FBXL20: variants seen among roughly 807,000 people sequenced by gnomAD.
FBXL20 encodes F-box and leucine rich repeat protein 20, also known as F-box/LRR-repeat protein 20.
In FBXL20, 11 loss-of-function variants were observed where a neutral mutation model predicts 64.0. The observed-to-expected ratio is 0.17, with a 90% CI of 0.11 to 0.28. FBXL20 has a LOEUF of 0.28. Ranked by LOEUF, FBXL20 falls within the 10% of genes least tolerant of loss-of-function variation. The probability of loss-of-function intolerance (pLI) is 1.00; values close to 1 mark genes in which losing one functional copy is unlikely to be tolerated. For missense variants in FBXL20, 303 were observed against 526.2 expected, an observed-to-expected ratio of 0.58 and a Z score of 4.15; for synonymous variants, 184 against 189.0, an observed-to-expected ratio of 0.97 and a Z score of 0.22.
chr17:39,288,206 A>G (rs1218788302), intron 6 of FBXL20, among the ~76,000 whole-genome samples: 5 of 152,032 alleles, frequency 3.3e-5, no homozygotes, highest in Admixed American at 3.3e-4. Context: ...ACCTCAAACG[A>G]TCCGCCCACC....
chr17:39,400,686 G>A (rs2048232634), intron 1 of FBXL20, among the ~76,000 whole-genome samples: 2 of 152,170 alleles, frequency 1.3e-5, no homozygotes, highest in African/African-American at 4.8e-5. Context: ...CCTCGCTAGA[G>A]GAGAAAAAGT....
At chr17:39,292,737 G>C (rs973749328) in intron 6 of FBXL20, among the ~76,000 whole-genome samples, 1 of 151,262 alleles carries the variant, frequency 6.6e-6, no homozygotes, top group Non-Finnish European at 1.5e-5. Context: ...CTATTGACTG[G>C]CTTTTCTTTT....
At chr17:39,357,838 C>T (rs1050870100) in intron 1 of FBXL20, among the ~76,000 whole-genome samples, 7 of 152,218 alleles carry the variant, frequency 4.6e-5, no homozygotes, top group African/African-American at 7.2e-5. Context: ...CGTTTCATTT[C>T]AGCTTGAAGT....
intron 1 of FBXL20, among the ~76,000 whole-genome samples, chr17:39,381,901 C>G (rs1486726647): frequency 6.6e-6 from 1 of 151,180 alleles, no homozygotes. Flanking sequence ...TCAAGACCAT[C>G]CTAGCAAACA....
intron 1 of FBXL20, among the ~76,000 whole-genome samples, chr17:39,358,690 A>C (rs903827679): frequency 2.4e-4 from 37 of 151,996 alleles, no homozygotes; most frequent in African/African-American, 8.5e-4. Flanking sequence ...TCAAAAAAAA[A>C]CAAAAAAACA....
chr17:39,338,821 TCAGA>T (rs2047554338), intron 2 of FBXL20, among the ~76,000 whole-genome samples: 1 of 152,080 alleles, frequency 6.6e-6, no homozygotes, highest in African/African-American at 2.4e-5. Flanking sequence ...AGAGTAAACA[TCAGA>T]CAAAGCCAAA....
intron 1 of FBXL20, among the ~76,000 whole-genome samples, chr17:39,355,559 A>C (rs908539553): frequency 1.3e-5 from 2 of 151,898 alleles, no homozygotes; most frequent in African/African-American, 4.8e-5. Context: ...TTGATGTCTT[A>C]TACAAGAACT....
At chr17:39,310,666 C>T (rs567556904) in intron 2 of FBXL20, among the ~76,000 whole-genome samples, 2 of 151,746 alleles carry the variant, frequency 1.3e-5, no homozygotes, top group African/African-American at 4.8e-5. Flanking sequence ...CTGGGCAACA[C>T]GGTGAGACCC....
intron 1 of FBXL20, among the ~76,000 whole-genome samples, chr17:39,368,656 TTTG>T (rs1168164136): frequency 6.6e-6 from 1 of 152,022 alleles, no homozygotes; most frequent in Non-Finnish European, 1.5e-5. Flanking sequence ...AACTTTTTTG[TTTG>T]TTTTTTGTTT....
intron 1 of FBXL20, among the ~76,000 whole-genome samples, chr17:39,397,291 A>T (rs1003779506): frequency 6.6e-6 from 1 of 152,212 alleles, no homozygotes; most frequent in Admixed American, 6.5e-5. Context: ...AATATTACAG[A>T]TTTATACGAA....
intron 11 of FBXL20, 96 bp from the exon 12 acceptor site, chr17:39,268,967 C>T (rs1012305936): frequency 2.7e-5 from 29 of 1,094,128 alleles, no homozygotes; most frequent in South Asian, 1.6e-4. Flanking sequence ...ATATTAAATA[C>T]GTTGATAAAT....
At chr17:39,289,998 C>CAAAAAAAAAAAAAAAAAAAAAAAA (rs368530587) in intron 6 of FBXL20, among the ~76,000 whole-genome samples, 1 of 41,840 alleles carries the variant, frequency 2.4e-5, no homozygotes, top group African/African-American at 7.5e-5. Context: ...GACTCAGTCT[C>CAAAAAAAAAAAAAAAAAAAAAAAA]AAAAAAAAAA....
At chr17:39,301,573 C>A (rs925155282) in intron 3 of FBXL20, among the ~76,000 whole-genome samples, 2 of 151,980 alleles carry the variant, frequency 1.3e-5, no homozygotes, top group African/African-American at 4.8e-5. Flanking sequence ...ACTAAAAATA[C>A]AAAAATTAGC....
chr17:39,275,705 T>C (rs2046883827), intron 9 of FBXL20, among the ~76,000 whole-genome samples: 1 of 151,904 alleles, frequency 6.6e-6, no homozygotes, highest in South Asian at 2.1e-4. Context: ...CCACCATGCC[T>C]GGCCTCAATT....
At chr17:39,355,027 G>A (rs1332812667) in intron 1 of FBXL20, among the ~76,000 whole-genome samples, 1 of 152,166 alleles carries the variant, frequency 6.6e-6, no homozygotes, top group Non-Finnish European at 1.5e-5. Context: ...TGCCTCCCTG[G>A]TTCAAGTGAT....
intron 2 of FBXL20, among the ~76,000 whole-genome samples, chr17:39,315,644 G>A (rs1335291062): frequency 6.6e-6 from 1 of 151,716 alleles, no homozygotes; most frequent in Non-Finnish European, 1.5e-5. Flanking sequence ...CAGGGTGAAT[G>A]GGCAGCCTTG....
intron 2 of FBXL20, among the ~76,000 whole-genome samples, chr17:39,316,241 G>A (rs2047290420): frequency 6.6e-6 from 1 of 151,982 alleles, no homozygotes; most frequent in Admixed American, 6.6e-5. Context: ...AATATATACA[G>A]ATATAAACAT....
At chr17:39,312,776 A>G (rs564972664) in intron 2 of FBXL20, among the ~76,000 whole-genome samples, 1 of 149,068 alleles carries the variant, frequency 6.7e-6, no homozygotes, top group East Asian at 2.0e-4. Context: ...ACGGGTTTCA[A>G]TGTGTTAGCC....
At position 39,254,887 on chromosome 17, in the gene FBXL20, G is replaced by A. The variant is rs753252088; in HGVS notation, c.*6573C>T. ...TGTAAAACAGCAATAAACCACCCTG[G>A]CTGAGGAAGCACTGAGACTCAACCT... On this transcript the variant is annotated 3_prime_UTR_variant, in exon 15 of 15. Transcript: ENST00000264658. The A allele has an allele frequency of 3.9e-5, 6 of 152,750 alleles. No individual in the cohort carries two copies. The highest frequency in any genetic ancestry group is 9.7e-5 in the African/African-American group (4 of 41,448). 9.5% of individuals were successfully genotyped at this position (152,750 alleles called of 1,614,324 possible). A position where few individuals can be genotyped will look rare whatever the true frequency, so the allele number is the denominator to read the frequency against.
Sources: gnomAD v4.1 joint callset for allele counts (sites outside exome capture counted in the v4.1 genomes callset) on GRCh38, gnomAD v4.1.1 for gene constraint, MANE v1.5 for transcripts, NCBI Gene and HGNC (gene_info 2026-07-23, HGNC 2026-07-21) for gene names.